MAF: variants seen among roughly 807,000 people sequenced by gnomAD.
MAF encodes MAF bZIP transcription factor, also known as transcription factor Maf.
In MAF, 10 loss-of-function variants were observed where a neutral mutation model predicts 22.0. That is an observed-to-expected ratio of 0.45 (90% CI 0.28 to 0.77). The LOEUF (loss-of-function observed/expected upper bound fraction) is 0.77. MAF is among the 30% of genes least tolerant of loss of function. The pLI, the probability that MAF is intolerant of heterozygous loss-of-function variation, is 0.12. For synonymous variants in MAF, 337 were observed against 255.8 expected (o/e 1.32, Z -3.03); for missense variants, 544 against 548.4 (o/e 0.99, Z 0.08).
chr16:79,599,564 C>A lies in MAF; in HGVS notation c.339G>T (p.Ala113=), dbSNP rs774883424. The A allele has an allele frequency of 1.9e-6, 3 of 1,592,652 alleles. No homozygotes were observed. In the Admixed American group the frequency reaches 5.3e-5, roughly 28 times the overall value. Residue 113 remains alanine, a synonymous_variant, in exon 1 of 2, where the codon GCG becomes GCT. Transcript: ENST00000326043. Reference sequence around the variant, plus strand: ...GGCTGTTGCTGATGAGCGCCTCGACCGCGTCCTCGGGGCTGAAGCCCAGCG... The same window carrying A: ...GGCTGTTGCTGATGAGCGCCTCGACAGCGTCCTCGGGGCTGAAGCCCAGCG... The part of the protein sequence containing the change: ...PEALGFSPED[A]VEALISNSHQ...
At chr16:79,349,907 C>T in the MAF span, among the ~76,000 whole-genome samples, 2 of 152,216 alleles carry the variant, frequency 1.3e-5, no homozygotes, top group Non-Finnish European at 2.9e-5. Context: ...ATGCTCCACT[C>T]ATACTGAACT....
chr16:79,335,764 G>A, the MAF span, among the ~76,000 whole-genome samples: 1 of 152,164 alleles, frequency 6.6e-6, no homozygotes, highest in Admixed American at 6.5e-5. Flanking sequence ...AACTAGGATG[G>A]GTCTTGGCTG....
the MAF span, among the ~76,000 whole-genome samples, chr16:79,487,764 G>T: frequency 6.6e-6 from 1 of 152,190 alleles, no homozygotes; most frequent in Admixed American, 6.5e-5. Flanking sequence ...CCTTGGCCAG[G>T]ACCCTGGGTG....
the MAF span, among the ~76,000 whole-genome samples, chr16:79,411,571 G>T: frequency 0.37 from 55,464 of 151,722 alleles, 12,040 homozygotes; most frequent in East Asian, 0.84. Flanking sequence ...GGTGACTTTT[G>T]CCCTGAGTGA....
the MAF span, among the ~76,000 whole-genome samples, chr16:79,381,709 A>G: frequency 6.6e-6 from 1 of 152,036 alleles, no homozygotes; most frequent in African/African-American, 2.4e-5. Context: ...TCTCTTGGAG[A>G]GATTCCTTCT....
the MAF span, among the ~76,000 whole-genome samples, chr16:79,420,657 C>T: frequency 6.6e-6 from 1 of 152,218 alleles, no homozygotes; most frequent in Non-Finnish European, 1.5e-5. Flanking sequence ...CGGCAGTGCC[C>T]CCTTTTCCAA....
the MAF span, among the ~76,000 whole-genome samples, chr16:79,250,367 T>C: frequency 6.6e-6 from 1 of 152,262 alleles, no homozygotes. Flanking sequence ...AAGGTCAAAC[T>C]GACCTCTCCG....
the MAF span, among the ~76,000 whole-genome samples, chr16:79,557,835 G>C: frequency 6.0e-3 from 909 of 152,082 alleles, 18 homozygotes; most frequent in Admixed American, 0.039. Context: ...CCAATAAGTT[G>C]AGCATTATGA....
chr16:79,455,129 C>T, the MAF span, among the ~76,000 whole-genome samples: 1 of 148,978 alleles, frequency 6.7e-6, no homozygotes, highest in Non-Finnish European at 1.5e-5. Flanking sequence ...TTCCCTCCAC[C>T]CTTTGTCCAT....
At chr16:79,344,252 C>T in the MAF span, among the ~76,000 whole-genome samples, 1 of 152,114 alleles carries the variant, frequency 6.6e-6, no homozygotes, top group East Asian at 1.9e-4. Context: ...AACTGAGGCC[C>T]CAGTGAGATT....
chr16:79,377,449 T>C, the MAF span, among the ~76,000 whole-genome samples: 1 of 152,210 alleles, frequency 6.6e-6, no homozygotes, highest in Non-Finnish European at 1.5e-5. Context: ...ATGAGTAGAT[T>C]GCAAAAATTT....
chr16:79,432,480 C>T, the MAF span, among the ~76,000 whole-genome samples: 2 of 152,184 alleles, frequency 1.3e-5, no homozygotes, highest in Middle Eastern at 3.4e-3. Flanking sequence ...TAAAATAGAA[C>T]AATTATAACA....
At chr16:79,229,530 T>G in the MAF span, 1 of 152,054 alleles carries the variant, frequency 6.6e-6, no homozygotes, top group South Asian at 2.1e-4. Flanking sequence ...CAGAACATTA[T>G]GAACAGCCCG....
At chr16:79,559,103 G>A in the MAF span, among the ~76,000 whole-genome samples, 1 of 152,160 alleles carries the variant, frequency 6.6e-6, no homozygotes, top group Admixed American at 6.5e-5. Flanking sequence ...AGTACAGCTT[G>A]TTGTACACCA....
At chr16:79,522,280 A>G in the MAF span, among the ~76,000 whole-genome samples, 1 of 152,138 alleles carries the variant, frequency 6.6e-6, no homozygotes, top group African/African-American at 2.4e-5. Context: ...TAGAAGCCAC[A>G]TTTCTCTTTT....
chr16:79,543,681 T>G, the MAF span, among the ~76,000 whole-genome samples: 1 of 149,290 alleles, frequency 6.7e-6, no homozygotes. Flanking sequence ...TTTTTCTTTT[T>G]TTTTTTTTCT....
the MAF span, among the ~76,000 whole-genome samples, chr16:79,462,309 C>G: frequency 6.6e-6 from 1 of 152,200 alleles, no homozygotes; most frequent in South Asian, 2.1e-4. Flanking sequence ...AAACTGAGGT[C>G]TAACCCAACA....
At chr16:79,439,955 A>C in the MAF span, among the ~76,000 whole-genome samples, 1 of 152,158 alleles carries the variant, frequency 6.6e-6, no homozygotes, top group Admixed American at 6.5e-5. Context: ...TTTTGTTTTG[A>C]TGCGAGAGGT....
the MAF span, among the ~76,000 whole-genome samples, chr16:79,510,535 G>T: frequency 6.6e-6 from 1 of 152,136 alleles, no homozygotes; most frequent in African/African-American, 2.4e-5. Context: ...AGAATGGAAG[G>T]TTCTGTTTCC....
Sources: gnomAD v4.1 joint callset for allele counts (sites outside exome capture counted in the v4.1 genomes callset) on GRCh38, gnomAD v4.1.1 for gene constraint, MANE v1.5 for transcripts, NCBI Gene and HGNC (gene_info 2026-07-23, HGNC 2026-07-21) for gene names.